The following MXI1 variants were observed in gnomAD, a reference collection of about 807,000 sequenced individuals.
MXI1 encodes the protein max-interacting protein 1.
MXI1 carries 18 observed loss-of-function variants against 36.9 expected under a neutral mutation model. The observed-to-expected ratio is 0.49, with a 90% CI of 0.34 to 0.72. The LOEUF is 0.72. MXI1 is among the 30% of genes least tolerant of loss of function. The probability of loss-of-function intolerance (pLI) is 0.01; values close to 1 mark genes in which losing one functional copy is unlikely to be tolerated. For missense variants in MXI1, 304 were observed against 379.1 expected, an observed-to-expected ratio of 0.80 and a Z score of 1.64; for synonymous variants, 160 against 146.7, an observed-to-expected ratio of 1.09 and a Z score of -0.65.
At chr10:110,241,597 G>A (rs945181076) in intron 2 of MXI1, among the ~76,000 whole-genome samples, 3 of 151,890 alleles carry the variant, frequency 2.0e-5, no homozygotes, top group African/African-American at 7.2e-5. Flanking sequence ...TGTCCTCACA[G>A]CTGACTAAAT....
chr10:110,211,047 G>T (rs1411097851), intron 1 of MXI1, among the ~76,000 whole-genome samples: 1 of 151,596 alleles, frequency 6.6e-6, no homozygotes, highest in Non-Finnish European at 1.5e-5. Flanking sequence ...TATTGGGGGT[G>T]GGGTTGGGTA....
chr10:110,282,345 C>T (rs527928883), intron 5 of MXI1, among the ~76,000 whole-genome samples: 40 of 152,222 alleles, frequency 2.6e-4, no homozygotes, highest in Non-Finnish European at 4.7e-4. Context: ...TAACACAACC[C>T]TAGGAGTTCT....
intron 3 of MXI1, among the ~76,000 whole-genome samples, chr10:110,250,840 A>AT (rs1389442202): frequency 6.6e-6 from 1 of 150,686 alleles, no homozygotes; most frequent in Admixed American, 6.6e-5. Context: ...AAAAAAAAAA[A>AT]AAAAAAAATA....
At chr10:110,279,623 A>G (rs1857162254) in intron 4 of MXI1, among the ~76,000 whole-genome samples, 1 of 152,208 alleles carries the variant, frequency 6.6e-6, no homozygotes. Flanking sequence ...CAAATACCAT[A>G]CTAGAGGAAG....
At chr10:110,222,570 T>C (rs1020291943) in intron 1 of MXI1, among the ~76,000 whole-genome samples, 2 of 152,198 alleles carry the variant, frequency 1.3e-5, no homozygotes, top group African/African-American at 4.8e-5. Context: ...GTGATCGTTA[T>C]AGGCCTGGGG....
intron 3 of MXI1, among the ~76,000 whole-genome samples, chr10:110,266,359 C>T (rs1000259586): frequency 1.3e-5 from 2 of 152,150 alleles, no homozygotes; most frequent in Non-Finnish European, 2.9e-5. Flanking sequence ...CCGCCCACCT[C>T]GGCCTCCCAA....
At chr10:110,282,907 G>A (rs1857305151) in intron 5 of MXI1, among the ~76,000 whole-genome samples, 1 of 151,950 alleles carries the variant, frequency 6.6e-6, no homozygotes, top group African/African-American at 2.4e-5. Context: ...CAAACTCCTG[G>A]GCTCAAGCAA....
intron 1 of MXI1, chr10:110,226,101 C>A: frequency 8.6e-7 from 1 of 1,158,556 alleles, no homozygotes; most frequent in African/African-American, 1.6e-5. Flanking sequence ...GCTGGCCCGC[C>A]CGCCCGTCGC....
At position 110,228,337 on chromosome 10, in the gene MXI1, C is replaced by T; in HGVS notation, c.407+16C>T. 5 of 1,613,938 alleles carry T rather than the reference C, an allele frequency of 3.1e-6. No homozygotes were observed. The highest frequency in any genetic ancestry group is 2.7e-5 in the African/African-American group (2 of 75,022). On this transcript the variant is annotated intron_variant, in intron 2 of 5. Coordinates refer to ENST00000332674, the MANE Select transcript of MXI1 (RefSeq NM_130439.3). Reference sequence around the variant, plus strand: ...CTGCCAACAGGTAGCAAGCTGGGAACGCTTAGAAGAGGGAACTGGAGGGAA... The same window carrying T: ...CTGCCAACAGGTAGCAAGCTGGGAATGCTTAGAAGAGGGAACTGGAGGGAA...
At position 110,207,732 on chromosome 10, in the gene MXI1, G is replaced by T. The variant is rs1321079405; in HGVS notation, c.-77G>T. On this transcript the variant is annotated 5_prime_UTR_variant, in exon 1 of 6. Coordinates refer to ENST00000332674, the MANE Select transcript of MXI1 (RefSeq NM_130439.3). ...CGCCTTCTCTGCTCCAGCCGGCCGG[G>T]TCTCCCTGGGGGCCCGGAGCTCGGC... 1 of 1,013,158 alleles carries T rather than the reference G, an allele frequency of 9.9e-7. No homozygotes were observed. The allele number at this position is 1,013,158 out of a possible 1,614,324, so 62.8% of individuals were successfully genotyped here.
In MXI1 at chr10:110,279,281, A is replaced by C. The variant is rs1433539818; in HGVS notation, c.539A>C (p.Lys180Thr). Residue 180 changes from lysine (K) to threonine (T), a missense_variant, in exon 4 of 6, where the codon AAA (lysine) becomes ACA (threonine). Around this residue, in one of 2 missense-constraint regions of MXI1, gnomAD observed 125 missense variants for 194.3 expected, o/e 0.64. Coordinates refer to ENST00000332674, the MANE Select transcript of MXI1 (RefSeq NM_130439.3). ...ACACTTGGTTTGCTCAACAAAGCCAAAGCACACATCAAGGTGAGAATTTTT... is the reference window on the plus strand; with the variant it reads ...ACACTTGGTTTGCTCAACAAAGCCACAGCACACATCAAGGTGAGAATTTTT... The part of the protein sequence containing the change: ...HTTLGLLNKA[K>T]AHIKKLEEAE... 1 of 1,614,036 alleles carries C rather than the reference A, an allele frequency of 6.2e-7. No homozygotes were observed. Among genetic ancestry groups the C allele is most frequent in the Admixed American group, 1.7e-5 (1 of 60,022 alleles).
At chr10:110,247,948 A>G (rs971767994) in intron 3 of MXI1, among the ~76,000 whole-genome samples, 1 of 152,226 alleles carries the variant, frequency 6.6e-6, no homozygotes, top group African/African-American at 2.4e-5. Flanking sequence ...ACCAAGCCAG[A>G]TGTCCAACAG....
chr10:110,258,512 G>A (rs1856394211), intron 3 of MXI1, among the ~76,000 whole-genome samples: 1 of 152,074 alleles, frequency 6.6e-6, no homozygotes, highest in African/African-American at 2.4e-5. Flanking sequence ...ACAGTATGAA[G>A]AACAGTATCA....
chr10:110,242,412 C>T (rs12412423), intron 2 of MXI1, among the ~76,000 whole-genome samples: 2 of 151,726 alleles, frequency 1.3e-5, no homozygotes. Context: ...GGTAAAAACC[C>T]ATCAAAATAG....
chr10:110,217,451 G>A (rs1854681592), intron 1 of MXI1, among the ~76,000 whole-genome samples: 1 of 152,200 alleles, frequency 6.6e-6, no homozygotes, highest in East Asian at 1.9e-4. Flanking sequence ...GCAAGTGAGA[G>A]CTGGTGTGGA....
intron 3 of MXI1, among the ~76,000 whole-genome samples, chr10:110,268,932 C>A (rs377170753): frequency 1.3e-5 from 2 of 152,116 alleles, no homozygotes; most frequent in African/African-American, 4.8e-5. Flanking sequence ...GTAAATGCTT[C>A]AGTTATTAAC....
At chr10:110,228,903 C>A (rs369842321) in intron 2 of MXI1, among the ~76,000 whole-genome samples, 2 of 152,108 alleles carry the variant, frequency 1.3e-5, no homozygotes, top group African/African-American at 4.8e-5. Context: ...CAGAATAGAT[C>A]TTTAAAAATA....
intron 2 of MXI1, among the ~76,000 whole-genome samples, chr10:110,237,578 C>A (rs1288185776): frequency 6.6e-6 from 1 of 152,112 alleles, no homozygotes; most frequent in Non-Finnish European, 1.5e-5. Flanking sequence ...CTGATACTAA[C>A]AACACAGAGC....
intron 1 of MXI1, among the ~76,000 whole-genome samples, chr10:110,223,359 G>A (rs1854866299): frequency 6.6e-6 from 1 of 152,132 alleles, no homozygotes; most frequent in African/African-American, 2.4e-5. Context: ...TGAGGTGGGC[G>A]AGTCACGAGG....
Sources: allele counts gnomAD v4.1 joint callset (sites outside exome capture counted in the v4.1 genomes callset), GRCh38; gene constraint gnomAD v4.1.1; regional missense constraint gnomAD v4.1.1; transcripts MANE v1.5; gene names NCBI Gene and HGNC (gene_info 2026-07-23, HGNC 2026-07-21).